The following SNX29 variants were observed in gnomAD, a reference collection of about 807,000 sequenced individuals.
SNX29 encodes sorting nexin-29.
SNX29 carries 78 observed loss-of-function variants against 102.1 expected under a neutral mutation model. That is an observed-to-expected ratio of 0.76 (90% CI 0.64 to 0.92). The LOEUF (loss-of-function observed/expected upper bound fraction) is 0.92. Among genes scored for constraint, SNX29 ranks in the 40% least tolerant of loss-of-function variants. The pLI is 0.00. For synonymous variants in SNX29, 580 were observed against 414.5 expected, an observed-to-expected ratio of 1.40 and a Z score of -4.85; for missense variants, 1,280 against 1,061.7, an observed-to-expected ratio of 1.21 and a Z score of -2.86.
intron 15 of SNX29, among the ~76,000 whole-genome samples, chr16:12,312,678 C>G (rs565811687): frequency 1.1e-4 from 2 of 18,070 alleles, no homozygotes; most frequent in Non-Finnish European, 1.9e-4. Flanking sequence ...TTCTGCTTGG[C>G]TTTGGGACAG....
At chr16:12,298,872 A>G (rs1206498294) in intron 15 of SNX29, among the ~76,000 whole-genome samples, 3 of 152,134 alleles carry the variant, frequency 2.0e-5, no homozygotes, top group African/African-American at 4.8e-5. Context: ...GTTGTTACCT[A>G]CATTAACCTT....
At chr16:12,193,478 AAAAAG>A (rs779867057) in intron 13 of SNX29, among the ~76,000 whole-genome samples, 3 of 151,844 alleles carry the variant, frequency 2.0e-5, no homozygotes, top group Non-Finnish European at 2.9e-5. Flanking sequence ...TTCAAAAAAA[AAAAAG>A]AAAAAGTCTT....
intron 18 of SNX29, among the ~76,000 whole-genome samples, chr16:12,470,066 G>A (rs923137175): frequency 2.6e-5 from 4 of 152,198 alleles, no homozygotes; most frequent in Non-Finnish European, 5.9e-5. Flanking sequence ...TGAACATTGT[G>A]CGTAACATGT....
At chr16:12,560,907 C>G (rs1029648847) in intron 20 of SNX29, 1 of 195,998 alleles carries the variant, frequency 5.1e-6, no homozygotes, top group Non-Finnish European at 1.1e-5. Context: ...TTTTTTAATC[C>G]TTTTAAAATA....
intron 6 of SNX29, among the ~76,000 whole-genome samples, chr16:12,047,992 C>T (rs755452852): frequency 1.3e-5 from 2 of 152,012 alleles, no homozygotes; most frequent in African/African-American, 4.8e-5. Context: ...GTGGCAGTGC[C>T]GGGATTCACT....
In SNX29 at chr16:12,570,160, C is replaced by T. The variant is rs959434728; in HGVS notation, c.*1531C>T. 11 of 1,064,902 alleles carry T rather than the reference C, an allele frequency of 1.0e-5. No individual in the cohort carries two copies. The highest frequency in any genetic ancestry group is 1.6e-5 in the African/African-American group (1 of 61,024). The allele number at this position is 1,064,902 out of a possible 1,614,324, so 66.0% of individuals were successfully genotyped here. A position where few individuals can be genotyped will look rare whatever the true frequency, so the allele number is the denominator to read the frequency against. ...GGCTGAGATCACTCACACACAGCGC[C>T]CCCCCACCCCAGAGAAACCGAGTCA... On this transcript the variant is annotated 3_prime_UTR_variant, in exon 21 of 21. Coordinates refer to ENST00000566228, the MANE Select transcript of SNX29 (RefSeq NM_032167.5).
intron 1 of SNX29, among the ~76,000 whole-genome samples, chr16:11,986,437 T>C (rs7199459): frequency 0.096 from 14,480 of 150,900 alleles, 871 homozygotes; most frequent in Admixed American, 0.15. Context: ...AAACAGAATA[T>C]ACCTTTAAAT....
At chr16:12,149,752 T>A (rs955520077) in intron 13 of SNX29, among the ~76,000 whole-genome samples, 1 of 152,240 alleles carries the variant, frequency 6.6e-6, no homozygotes, top group Non-Finnish European at 1.5e-5. Flanking sequence ...AGTGTGGGGC[T>A]GCTGTCTGAG....
At chr16:12,534,503 C>T (rs1000804587) in intron 20 of SNX29, among the ~76,000 whole-genome samples, 3 of 152,182 alleles carry the variant, frequency 2.0e-5, no homozygotes, top group African/African-American at 7.2e-5. Context: ...CTTTTAGCAG[C>T]TCAGCAAGAA....
At chr16:12,494,884 A>G (rs1452765280) in intron 19 of SNX29, among the ~76,000 whole-genome samples, 2 of 152,198 alleles carry the variant, frequency 1.3e-5, no homozygotes, top group African/African-American at 4.8e-5. Context: ...GCTTCACATC[A>G]GTGGCACCAT....
chr16:12,244,162 C>T (rs989078417), intron 14 of SNX29, among the ~76,000 whole-genome samples: 4 of 152,144 alleles, frequency 2.6e-5, no homozygotes, highest in African/African-American at 9.7e-5. Flanking sequence ...GATGCTCACT[C>T]ACCCGCCACT....
chr16:12,261,572 G>C (rs1442223147), intron 14 of SNX29, among the ~76,000 whole-genome samples: 1 of 140,938 alleles, frequency 7.1e-6, no homozygotes, highest in Non-Finnish European at 1.6e-5. Context: ...GCTTCGGTCT[G>C]TGTGTGCATC....
intron 8 of SNX29, among the ~76,000 whole-genome samples, chr16:12,059,539 C>A (rs1398454598): frequency 6.6e-6 from 1 of 152,194 alleles, no homozygotes; most frequent in Non-Finnish European, 1.5e-5. Context: ...TTATTTCCTC[C>A]TGTGCTTCTC....
At position 12,277,955 on chromosome 16, in the gene SNX29, TGGA is replaced by T; in HGVS notation, c.1703_1705del (p.Gly568del). 6.2e-7 allele frequency: 1 copy of T among 1,608,878 alleles called. No homozygotes were observed. Among genetic ancestry groups the T allele is most frequent in the Non-Finnish European group, 8.5e-7 (1 of 1,177,598 alleles). On this transcript the variant is annotated inframe_deletion, in exon 15 of 21. Coordinates refer to ENST00000566228, the MANE Select transcript of SNX29 (RefSeq NM_032167.5). ...AAGTGCCAAATCTTTGGAGTGTTGA[TGGA>T]GAAGTTACAGTAGCTGAACAGAAGC...
Position 12,571,861 on chromosome 16 carries a change from A to T in SNX29, c.*3232A>T, listed in dbSNP as rs939216050. ...GTATGCTCCAATCACGTTGCTGGCA[A>T]GGCATTTTAGAGTTTGGAGCTGAGG... On this transcript the variant is annotated 3_prime_UTR_variant, in exon 21 of 21. Coordinates refer to ENST00000566228, the MANE Select transcript of SNX29 (RefSeq NM_032167.5). 1.5e-5 allele frequency: 16 copies of T among 1,061,042 alleles called. No individual in the cohort carries two copies. In the South Asian group the frequency reaches 7.3e-4, roughly 48 times the overall value. The allele number at this position is 1,061,042 out of a possible 1,614,324, so 65.7% of individuals were successfully genotyped here. A position where few individuals can be genotyped will look rare whatever the true frequency, so the allele number is the denominator to read the frequency against.
At chr16:12,233,176 A>G (rs2077822126) in intron 14 of SNX29, among the ~76,000 whole-genome samples, 1 of 151,990 alleles carries the variant, frequency 6.6e-6, no homozygotes. Context: ...CTGCAAAAAC[A>G]TGTAGTCAGT....
intron 20 of SNX29, among the ~76,000 whole-genome samples, chr16:12,551,004 C>A (rs543897877): frequency 6.6e-6 from 1 of 152,172 alleles, no homozygotes; most frequent in African/African-American, 2.4e-5. Flanking sequence ...CTAAATATTT[C>A]TTCTCTGGCC....
Position 12,568,905 on chromosome 16 carries a change from T to G in SNX29, c.*276T>G. On this transcript the variant is annotated 3_prime_UTR_variant, in exon 21 of 21. Transcript: ENST00000566228. ...GTCTACCCTGGGCTGCAAGGGCTGT[T>G]CCTCCACCTTTCTGTAGTTCAGGGC... 1 of 473,670 alleles carries G rather than the reference T, an allele frequency of 2.1e-6. No individual in the cohort carries two copies. Among genetic ancestry groups the G allele is most frequent in the Non-Finnish European group, 3.7e-6 (1 of 270,016 alleles). 29.3% of individuals were successfully genotyped at this position (473,670 alleles called of 1,614,324 possible).
intron 15 of SNX29, among the ~76,000 whole-genome samples, chr16:12,336,564 A>T (rs1322658162): frequency 6.6e-6 from 1 of 152,162 alleles, no homozygotes; most frequent in African/African-American, 2.4e-5. Context: ...GGAGTGGTGA[A>T]ATTTGCACTT....
Sources: gnomAD v4.1 joint callset for allele counts (sites outside exome capture counted in the v4.1 genomes callset) on GRCh38, gnomAD v4.1.1 for gene constraint, MANE v1.5 for transcripts, NCBI Gene and HGNC (gene_info 2026-07-23, HGNC 2026-07-21) for gene names.